The following PRPF3 variants were observed in gnomAD, a reference collection of about 807,000 sequenced individuals.
PRPF3 encodes the protein pre-mRNA processing factor 3.
Under a neutral mutation model 89.2 loss-of-function variants are expected in PRPF3, and 3 were observed. The observed-to-expected ratio is 0.03, with a 90% CI of 0.02 to 0.09. The LOEUF is 0.09. PRPF3 is among the 10% of genes least tolerant of loss of function. The probability of loss-of-function intolerance (pLI) is 1.00; values close to 1 mark genes in which losing one functional copy is unlikely to be tolerated. For synonymous variants in PRPF3, 270 were observed against 289.1 expected (o/e 0.93, Z 0.67); for missense variants, 463 against 828.8 (o/e 0.56, Z 5.42).
intron 8 of PRPF3, among the ~76,000 whole-genome samples, 175 bp from the exon 9 acceptor site, chr1:150,340,223 C>T (rs868943848): frequency 1.7e-4 from 26 of 152,248 alleles, no homozygotes; most frequent in African/African-American, 6.0e-4. Flanking sequence ...GTTTTCTCAT[C>T]ATGAAAATTA....
chr1:150,337,663 A>G (rs956468584), intron 7 of PRPF3, among the ~76,000 whole-genome samples: 2 of 151,732 alleles, frequency 1.3e-5, no homozygotes, highest in African/African-American at 2.4e-5. Context: ...CTGTAGTCCC[A>G]GCTACTCGGG....
intron 7 of PRPF3, among the ~76,000 whole-genome samples, chr1:150,337,833 G>C (rs1484028473): frequency 6.6e-6 from 1 of 151,526 alleles, no homozygotes; most frequent in African/African-American, 2.4e-5. Flanking sequence ...CCATCACTTT[G>C]GGAGGCCGAG....
chr1:150,339,434 ATT>A (rs1191592185), intron 8 of PRPF3, among the ~76,000 whole-genome samples: 6 of 136,318 alleles, frequency 4.4e-5, no homozygotes, highest in African/African-American at 2.7e-5. Context: ...TGCTCCATCC[ATT>A]TTTTTTTTTT....
At chr1:150,328,268 C>T (rs834225) in intron 3 of PRPF3, 52 bp from the exon 4 acceptor site, 651,142 of 1,603,996 alleles carry the variant, frequency 0.41, 136,381 homozygotes, top group East Asian at 0.66. Flanking sequence ...TAATTCTTCC[C>T]TTCTCCCCAC....
At chr1:150,328,099 A>G (rs1655919570) in intron 3 of PRPF3, 1 of 552,044 alleles carries the variant, frequency 1.8e-6, no homozygotes, top group Non-Finnish European at 3.2e-6. Flanking sequence ...GGGAACATTT[A>G]TAAGAACATG....
Position 150,334,928 on chromosome 1 carries a change from T to C in PRPF3, c.729-7T>C. On this transcript the variant is annotated splice_polypyrimidine_tract_variant and splice_region_variant and intron_variant, in intron 6 of 15. Transcript: ENST00000324862. ...CAGGATTTATTTCTTTGCGGGCTAT[T>C]TTTCAGGAAGGTGGAGTTAAAAGAC... The C allele has an allele frequency of 6.2e-7, 1 of 1,613,992 alleles. No individual in the cohort carries two copies. The highest frequency in any genetic ancestry group is 8.5e-7 in the Non-Finnish European group (1 of 1,179,992).
At chr1:150,341,815 G>A (rs1248314261) in intron 9 of PRPF3, among the ~76,000 whole-genome samples, 7 of 150,500 alleles carry the variant, frequency 4.7e-5, no homozygotes, top group African/African-American at 1.2e-4. Context: ...GCTATTCTCC[G>A]GCCTTAGCCT....
chr1:150,345,191 TTGTC>T (rs1186512137), intron 12 of PRPF3, among the ~76,000 whole-genome samples: 8 of 152,038 alleles, frequency 5.3e-5, no homozygotes, highest in East Asian at 1.9e-4. Flanking sequence ...ATTTAAAAAA[TTGTC>T]TGACAACACA....
chr1:150,338,497 TA>T (rs1484063223), intron 8 of PRPF3, among the ~76,000 whole-genome samples, 171 bp downstream of exon 8: 9 of 130,788 alleles, frequency 6.9e-5, no homozygotes, highest in African/African-American at 1.4e-4. Context: ...AAGGTCCTGT[TA>T]TTTTTTTTTT....
intron 7 of PRPF3, 83 bp downstream of exon 7, chr1:150,335,324 G>C: frequency 6.7e-7 from 1 of 1,484,742 alleles, no homozygotes; most frequent in Non-Finnish European, 9.3e-7. Flanking sequence ...TGTGTTCTAG[G>C]AAATTAGATA....
intron 7 of PRPF3, among the ~76,000 whole-genome samples, chr1:150,336,329 G>A (rs1353102026): frequency 6.6e-6 from 1 of 152,114 alleles, no homozygotes; most frequent in African/African-American, 2.4e-5. Flanking sequence ...TGGAGCTCAG[G>A]CCATAATGCA....
chr1:150,348,460 A>ATTTTTTGTTTTTTTTTTTTT (rs1658533211), intron 14 of PRPF3, among the ~76,000 whole-genome samples: 1 of 48,464 alleles, frequency 2.1e-5, no homozygotes, highest in African/African-American at 8.9e-5. Context: ...CTACACGTGC[A>ATTTTTTGTTTTTTTTTTTTT]TTTTTTTTTT....
At chr1:150,344,695 A>G in intron 12 of PRPF3, 148 bp downstream of exon 12, 1 of 845,054 alleles carries the variant, frequency 1.2e-6, no homozygotes, top group Non-Finnish European at 1.9e-6. Context: ...AGAGCTAGTA[A>G]ATCTTGTAAA....
chr1:150,328,959 T>C (rs1014363749), intron 4 of PRPF3, among the ~76,000 whole-genome samples: 13 of 152,206 alleles, frequency 8.5e-5, no homozygotes, highest in African/African-American at 3.1e-4. Context: ...CCCAGAGTGC[T>C]GGGATTATAG....
At chr1:150,352,720 A>G in intron 15 of PRPF3, 113 bp from the exon 16 acceptor site, 2 of 1,205,678 alleles carry the variant, frequency 1.7e-6, no homozygotes, top group Non-Finnish European at 2.4e-6. Flanking sequence ...TAACCATAAA[A>G]TCACGTTCAG....
intron 4 of PRPF3, among the ~76,000 whole-genome samples, 194 bp downstream of exon 4, chr1:150,328,660 C>A (rs1655986492): frequency 7.2e-6 from 1 of 139,740 alleles, no homozygotes; most frequent in Admixed American, 7.9e-5. Context: ...TCAAGCAAAT[C>A]TCCTGTCTCA....
chr1:150,330,403 TGGAGTAC>T, intron 4 of PRPF3: 1 of 152,748 alleles, frequency 6.5e-6, no homozygotes, highest in East Asian at 1.9e-4. Context: ...TCACTTAGGC[TGGAGTAC>T]GGTGGCGCGT....
intron 2 of PRPF3, 73 bp downstream of exon 2, chr1:150,325,160 T>G: frequency 6.4e-7 from 1 of 1,558,448 alleles, no homozygotes; most frequent in Non-Finnish European, 8.8e-7. Context: ...TTCCTCAAAA[T>G]TCTCTCTGTT....
At chr1:150,338,368 T>A (rs1657275770) in intron 8 of PRPF3, 42 bp downstream of exon 8, 1 of 1,582,548 alleles carries the variant, frequency 6.3e-7, no homozygotes, top group Non-Finnish European at 8.7e-7. Context: ...CAGTTTTTAA[T>A]CAGCTGAGTT....
Sources: allele counts gnomAD v4.1 joint callset (sites outside exome capture counted in the v4.1 genomes callset), GRCh38; gene constraint gnomAD v4.1.1; transcripts MANE v1.5; gene names NCBI Gene and HGNC (gene_info 2026-07-23, HGNC 2026-07-21).